The following ITPR1 variants were observed in gnomAD, a reference collection of about 807,000 sequenced individuals.
The protein encoded by ITPR1 is inositol 1,4,5-trisphosphate-gated calcium channel ITPR1.
In ITPR1, 96 loss-of-function variants were observed where a neutral mutation model predicts 318.4. That is an observed-to-expected ratio of 0.30 (90% CI 0.26 to 0.36). The LOEUF (loss-of-function observed/expected upper bound fraction) is 0.36. Among genes scored for constraint, ITPR1 ranks in the 10% least tolerant of loss-of-function variants. ITPR1 has a pLI of 1.00. For missense variants in ITPR1, 2,440 were observed against 3,460.2 expected (o/e 0.71, Z 7.40); for synonymous variants, 1,312 against 1,289.9 (o/e 1.02, Z -0.37).
intron 4 of ITPR1, among the ~76,000 whole-genome samples, chr3:4,619,386 G>C: frequency 6.6e-6 from 1 of 152,012 alleles, no homozygotes; most frequent in Non-Finnish European, 1.5e-5. Flanking sequence ...TGGACCTATG[G>C]ATTGTTCTGT....
chr3:4,497,368 A>G (rs1447371271), intron 2 of ITPR1, among the ~76,000 whole-genome samples: 1 of 152,248 alleles, frequency 6.6e-6, no homozygotes, highest in Non-Finnish European at 1.5e-5. Context: ...TTTATTCAAC[A>G]AATTTCTTGA....
intron 53 of ITPR1, among the ~76,000 whole-genome samples, chr3:4,796,631 G>A (rs550908158): frequency 1.5e-4 from 23 of 152,186 alleles, no homozygotes; most frequent in African/African-American, 3.9e-4. Context: ...TTTCTTCACC[G>A]GTCATTTGTG....
intron 13 of ITPR1, 30 bp downstream of exon 13, chr3:4,658,308 G>C (rs2093758505): frequency 6.3e-7 from 1 of 1,587,800 alleles, no homozygotes; most frequent in South Asian, 1.1e-5. Flanking sequence ...TTTCCCCAAA[G>C]AATCAGGCCT....
chr3:4,623,125 C>T (rs1286388537), intron 4 of ITPR1, among the ~76,000 whole-genome samples: 2 of 152,286 alleles, frequency 1.3e-5, no homozygotes, highest in South Asian at 2.1e-4. Context: ...CTGTGGCTCC[C>T]CTTGCTCCCA....
Position 4,683,608 on chromosome 3 carries a change from A to G in ITPR1, c.3328-20A>G, listed in dbSNP as rs1482904293. The G allele has an allele frequency of 2.5e-6, 4 of 1,613,898 alleles. No individual in the cohort carries two copies. In the African/African-American group the frequency reaches 4.0e-5, roughly 16 times the overall value. On this transcript the variant is annotated intron_variant, in intron 27 of 61. Coordinates refer to ENST00000649015, the MANE Select transcript of ITPR1 (RefSeq NM_001378452.1). ...GTCCAAGAAGCTGTTGTGTGCACCT[A>G]ACGGATTGCGTTCATTAAGGTTCAA...
At position 4,556,010 on chromosome 3, in the gene ITPR1, T is replaced by C. The variant is rs992694944; in HGVS notation, c.163+34916T>C. Among the ~76,000 whole-genome samples, 4 of 152,312 alleles carry C rather than the reference T, an allele frequency of 2.6e-5. No homozygotes were observed. In the South Asian group the frequency reaches 8.3e-4, roughly 32 times the overall value. On this transcript the variant is annotated intron_variant, in intron 4 of 61. Coordinates refer to ENST00000649015, the MANE Select transcript of ITPR1 (RefSeq NM_001378452.1). The stretch of plus-strand genomic sequence containing the variant: ...GTCGTGCTGTGTTTTAGCAGTGAGA[T>C]CCTTCACCTAGCTCTTCATTCACAT...
intron 4 of ITPR1, among the ~76,000 whole-genome samples, chr3:4,557,585 G>C (rs1166305783): frequency 6.6e-6 from 1 of 152,044 alleles, no homozygotes; most frequent in African/African-American, 2.4e-5. Context: ...GAAATATTTT[G>C]GCTAAAGCTT....
At chr3:4,820,335 C>T (rs757547004) in intron 60 of ITPR1, among the ~76,000 whole-genome samples, 1 of 152,228 alleles carries the variant, frequency 6.6e-6, no homozygotes, top group African/African-American at 2.4e-5. Context: ...GTTCTCTTGT[C>T]TCTGAAGTGT....
chr3:4,567,031 GA>G (rs908035883), intron 4 of ITPR1, among the ~76,000 whole-genome samples: 8 of 152,324 alleles, frequency 5.3e-5, no homozygotes, highest in African/African-American at 1.9e-4. Context: ...ATGACCTCAA[GA>G]AAGACATTTA....
intron 2 of ITPR1, among the ~76,000 whole-genome samples, chr3:4,501,507 T>C (rs1185711813): frequency 6.6e-6 from 1 of 152,244 alleles, no homozygotes; most frequent in Non-Finnish European, 1.5e-5. Context: ...CACGTGAAAA[T>C]ACGAGAAGAT....
chr3:4,836,380 G>A (rs1382347300), intron 60 of ITPR1, among the ~76,000 whole-genome samples: 4 of 152,050 alleles, frequency 2.6e-5, no homozygotes, highest in African/African-American at 4.8e-5. Flanking sequence ...TAAACTGTAT[G>A]CTTAAAATGG....
At chr3:4,700,699 G>C (rs1483527847) in intron 35 of ITPR1, among the ~76,000 whole-genome samples, 4 of 152,172 alleles carry the variant, frequency 2.6e-5, no homozygotes, top group Admixed American at 2.0e-4. Flanking sequence ...GGTTGAGTGA[G>C]CTGATGTCAC....
chr3:4,646,223 CA>C (rs2093453247), intron 10 of ITPR1, among the ~76,000 whole-genome samples: 1 of 152,158 alleles, frequency 6.6e-6, no homozygotes, highest in Non-Finnish European at 1.5e-5. Flanking sequence ...CTGGAACACA[CA>C]AGGGGATGGT....
At chr3:4,830,800 A>T in intron 60 of ITPR1, 1 of 382,284 alleles carries the variant, frequency 2.6e-6, no homozygotes, top group Non-Finnish European at 5.2e-6. Flanking sequence ...AAGCAACAAG[A>T]CCATTTTTCT....
chr3:4,730,704 G>A (rs2042869648), intron 42 of ITPR1, among the ~76,000 whole-genome samples: 2 of 151,996 alleles, frequency 1.3e-5, no homozygotes, highest in African/African-American at 2.4e-5. Context: ...GAAGAAAAAA[G>A]CCACCACTAG....
At chr3:4,759,635 G>A (rs900651474) in intron 44 of ITPR1, among the ~76,000 whole-genome samples, 15 of 152,302 alleles carry the variant, frequency 9.8e-5, no homozygotes, top group Non-Finnish European at 2.2e-4. Context: ...AGAGGGAGGG[G>A]ACCCTCTTTG....
Position 4,674,248 on chromosome 3 carries a change from G to A in ITPR1, c.2503G>A (p.Ala835Thr). 13 of 1,570,164 alleles carry A rather than the reference G, an allele frequency of 8.3e-6. No individual in the cohort carries two copies. The highest frequency in any genetic ancestry group is 1.0e-5 in the Non-Finnish European group (12 of 1,155,558). ...CAAAGATGAAATTAAGGAGAGATTT[G>A]CTCAGACCATGGAGTTTGTGGAGGA... ...ASKDEIKERF[A>T]QTMEFVEEYL... The change falls in exon 22 of 62, where the codon GCT (alanine) becomes ACT (threonine). Residue 835 changes from alanine (A) to threonine (T), a missense_variant. Ala to Thr is a moderately conservative substitution (Grantham distance 58, BLOSUM62 0). This residue lies in a region of ITPR1 where 478 missense variants were observed against 696.3 expected (regional missense o/e 0.69). Transcript: ENST00000649015.
chr3:4,812,471 T>A (rs1422410024), intron 56 of ITPR1, among the ~76,000 whole-genome samples: 2 of 152,212 alleles, frequency 1.3e-5, no homozygotes, highest in Admixed American at 1.3e-4. Flanking sequence ...CTCATGTTAT[T>A]TTTACACATA....
At chr3:4,701,872 T>G (rs2094659935) in intron 35 of ITPR1, among the ~76,000 whole-genome samples, 1 of 152,198 alleles carries the variant, frequency 6.6e-6, no homozygotes, top group African/African-American at 2.4e-5. Flanking sequence ...ATCTTTTTTA[T>G]TTTCTTAAAA....
Sources: gnomAD v4.1 joint callset for allele counts (sites outside exome capture counted in the v4.1 genomes callset) on GRCh38, gnomAD v4.1.1 for gene constraint, gnomAD v4.1.1 regional missense constraint, MANE v1.5 for transcripts, NCBI Gene and HGNC (gene_info 2026-07-23, HGNC 2026-07-21) for gene names.